Variants in OR2L13 observed in about 807,000 individuals in gnomAD.
The protein encoded by OR2L13 is olfactory receptor family 2 subfamily L member 13, also known as olfactory receptor 2L13.
A neutral mutation model predicts 15.3 loss-of-function variants in OR2L13; 14 were observed. The observed-to-expected ratio is 0.91, with a 90% CI of 0.60 to 1.43. OR2L13 has a LOEUF of 1.43. OR2L13 is among the 40% of genes most tolerant of loss of function. The pLI is 0.00. For missense variants in OR2L13, 367 were observed against 387.9 expected (o/e 0.95, Z 0.45); for synonymous variants, 152 against 142.9 (o/e 1.06, Z -0.45).
the OR2L13 span, among the ~76,000 whole-genome samples, chr1:247,996,232 A>G: frequency 6.6e-6 from 1 of 152,196 alleles, no homozygotes; most frequent in East Asian, 1.9e-4. Context: ...CAGTCTCCCC[A>G]TAGGTGGAAT....
At chr1:247,981,620 G>A in the OR2L13 span, among the ~76,000 whole-genome samples, 80 of 152,310 alleles carry the variant, frequency 5.3e-4, no homozygotes, top group Middle Eastern at 6.8e-3. Context: ...AATGAGCATA[G>A]TATGTGGAAA....
the OR2L13 span, chr1:247,948,773 G>A: frequency 8.9e-7 from 1 of 1,125,970 alleles, no homozygotes; most frequent in African/African-American, 1.6e-5. Flanking sequence ...GGGGGGCTTG[G>A]AATGCATCCC....
the OR2L13 span, among the ~76,000 whole-genome samples, chr1:248,011,915 A>G: frequency 2.0e-5 from 3 of 152,182 alleles, no homozygotes; most frequent in African/African-American, 4.8e-5. Context: ...ATAAATGGTT[A>G]TCACCTGAGT....
chr1:248,022,279 C>G, the OR2L13 span: 2 of 1,613,844 alleles, frequency 1.2e-6, no homozygotes, highest in Non-Finnish European at 1.7e-6. Context: ...GGTGCAGAAG[C>G]GCTGCTCCTG....
chr1:248,026,592 G>A, the OR2L13 span, among the ~76,000 whole-genome samples: 4 of 152,130 alleles, frequency 2.6e-5, no homozygotes, highest in Non-Finnish European at 5.9e-5. Context: ...TTGGTGTTGC[G>A]GGAAGTCAGG....
chr1:247,987,124 C>T, the OR2L13 span, among the ~76,000 whole-genome samples: 2 of 152,102 alleles, frequency 1.3e-5, no homozygotes, highest in Non-Finnish European at 2.9e-5. Context: ...CACTTGAAGC[C>T]TAGGCTCAAA....
At chr1:248,074,592 A>C in the OR2L13 span, among the ~76,000 whole-genome samples, 2 of 152,170 alleles carry the variant, frequency 1.3e-5, no homozygotes, top group African/African-American at 4.8e-5. Flanking sequence ...TAAATAGTGA[A>C]TGTCTCACTT....
chr1:248,100,173 A>G, exon 3 of OR2L13: 1 of 1,614,012 alleles, frequency 6.2e-7, no homozygotes, highest in Non-Finnish European at 8.5e-7. Flanking sequence ...ATCTCCGCTC[A>G]CCAGCTGAAG....
At chr1:248,023,391 T>C in the OR2L13 span, 4 of 152,276 alleles carry the variant, frequency 2.6e-5, no homozygotes, top group Non-Finnish European at 5.9e-5. Context: ...TGAAGCCAAT[T>C]TGCCTTTAGT....
the OR2L13 span, among the ~76,000 whole-genome samples, chr1:248,071,409 T>A: frequency 6.6e-6 from 1 of 152,102 alleles, no homozygotes; most frequent in Non-Finnish European, 1.5e-5. Context: ...AGAAAAGGCC[T>A]TTGACAAAAT....
At chr1:248,099,386 G>T (rs778835915) in exon 3 of OR2L13, 2 of 1,604,108 alleles carry the variant, frequency 1.2e-6, no homozygotes, top group South Asian at 1.1e-5. Flanking sequence ...ATGGAGAAAT[G>T]GAATCACACT....
the OR2L13 span, among the ~76,000 whole-genome samples, chr1:247,957,337 C>T: frequency 1.3e-5 from 2 of 152,098 alleles, no homozygotes; most frequent in Admixed American, 6.6e-5. Context: ...CTGCTGGATT[C>T]GGTTTGCCAG....
the OR2L13 span, chr1:248,087,618 G>C: frequency 9.2e-4 from 140 of 152,156 alleles, no homozygotes; most frequent in African/African-American, 3.3e-3. Flanking sequence ...GCTCTATTTA[G>C]TTAAAAATCC....
At chr1:248,067,889 A>G in the OR2L13 span, among the ~76,000 whole-genome samples, 2 of 152,218 alleles carry the variant, frequency 1.3e-5, no homozygotes, top group Admixed American at 6.5e-5. Context: ...AGTCTCGCTG[A>G]TTGCTAGCAC....
At chr1:248,075,707 TTTC>T in the OR2L13 span, among the ~76,000 whole-genome samples, 1 of 152,340 alleles carries the variant, frequency 6.6e-6, no homozygotes, top group African/African-American at 2.4e-5. Flanking sequence ...GTTGTTTGTT[TTTC>T]TCTTGTAAAT....
chr1:248,010,308 G>A, the OR2L13 span, among the ~76,000 whole-genome samples: 35 of 151,868 alleles, frequency 2.3e-4, no homozygotes, highest in South Asian at 2.1e-4. Flanking sequence ...TATGATTTCC[G>A]TTTTTTGCAT....
chr1:248,069,785 C>G, the OR2L13 span, among the ~76,000 whole-genome samples: 20 of 151,848 alleles, frequency 1.3e-4, no homozygotes, highest in Non-Finnish European at 2.2e-4. Context: ...GGAAGATCTA[C>G]CAGGGAAATG....
At chr1:248,039,011 C>A in the OR2L13 span, 1 of 1,613,930 alleles carries the variant, frequency 6.2e-7, no homozygotes, top group Non-Finnish European at 8.5e-7. Flanking sequence ...CTGTAGTGTC[C>A]TTCTACTATG....
At chr1:247,961,038 G>A in the OR2L13 span, among the ~76,000 whole-genome samples, 1 of 152,118 alleles carries the variant, frequency 6.6e-6, no homozygotes, top group Admixed American at 6.5e-5. Flanking sequence ...GCTCACGCTG[G>A]GAGCTGTAGA....
Sources: allele counts gnomAD v4.1 joint callset (sites outside exome capture counted in the v4.1 genomes callset), GRCh38; gene constraint gnomAD v4.1.1; transcripts MANE v1.5; gene names NCBI Gene and HGNC (gene_info 2026-07-23, HGNC 2026-07-21).